SPOCK1: variants seen among roughly 807,000 people sequenced by gnomAD.
SPOCK1 encodes the protein SPARC (osteonectin), cwcv and kazal like domains proteoglycan 1.
A neutral mutation model predicts 55.3 loss-of-function variants in SPOCK1; 23 were observed. The observed-to-expected ratio is 0.42, with a 90% CI of 0.30 to 0.59. The LOEUF is 0.59. Among genes scored for constraint, SPOCK1 ranks in the 20% least tolerant of loss-of-function variants. The probability of loss-of-function intolerance (pLI) is 0.22; values close to 1 mark genes in which losing one functional copy is unlikely to be tolerated. For missense variants in SPOCK1, 499 were observed against 552.5 expected, an observed-to-expected ratio of 0.90 and a Z score of 0.97; for synonymous variants, 226 against 221.0, an observed-to-expected ratio of 1.02 and a Z score of -0.20.
At chr5:137,389,568 A>G (rs1376335659) in intron 2 of SPOCK1, among the ~76,000 whole-genome samples, 1 of 152,222 alleles carries the variant, frequency 6.6e-6, no homozygotes, top group Non-Finnish European at 1.5e-5. Flanking sequence ...CCTGACTACC[A>G]TCATGTGCTG....
chr5:137,354,879 G>T (rs1441842141), intron 2 of SPOCK1, among the ~76,000 whole-genome samples: 1 of 152,026 alleles, frequency 6.6e-6, no homozygotes, highest in Non-Finnish European at 1.5e-5. Flanking sequence ...ATCACCTTAG[G>T]TAAGTGACTC....
chr5:137,494,595 G>A (rs1038567450), intron 2 of SPOCK1, among the ~76,000 whole-genome samples: 1 of 152,190 alleles, frequency 6.6e-6, no homozygotes, highest in African/African-American at 2.4e-5. Context: ...TTTCTGCAAT[G>A]TTTTAATCTT....
At chr5:137,498,943 G>A (rs1754377912) in intron 1 of SPOCK1, among the ~76,000 whole-genome samples, 1 of 152,050 alleles carries the variant, frequency 6.6e-6, no homozygotes, top group South Asian at 2.1e-4. Flanking sequence ...GGGCAGGAGA[G>A]GGGAGAACAG....
chr5:137,344,550 C>A (rs1391493876), intron 2 of SPOCK1, among the ~76,000 whole-genome samples: 1 of 152,162 alleles, frequency 6.6e-6, no homozygotes, highest in Admixed American at 6.5e-5. Context: ...CTGATGTTCA[C>A]AAATGGGGAG....
At chr5:137,409,699 C>A (rs1752170444) in intron 2 of SPOCK1, among the ~76,000 whole-genome samples, 1 of 152,148 alleles carries the variant, frequency 6.6e-6, no homozygotes, top group Non-Finnish European at 1.5e-5. Context: ...AGCTATTGTG[C>A]CCACAATGAT....
chr5:137,010,820 A>G (rs1413562591), intron 6 of SPOCK1, among the ~76,000 whole-genome samples: 1 of 152,174 alleles, frequency 6.6e-6, no homozygotes, highest in African/African-American at 2.4e-5. Flanking sequence ...CTCTGGGTTT[A>G]TAGATTGTTG....
chr5:137,173,796 GAA>G (rs1277114288), intron 3 of SPOCK1, among the ~76,000 whole-genome samples: 1 of 152,150 alleles, frequency 6.6e-6, no homozygotes, highest in Non-Finnish European at 1.5e-5. Context: ...CTCCTTCAGG[GAA>G]AAGTCTGAGC....
intron 2 of SPOCK1, among the ~76,000 whole-genome samples, chr5:137,289,434 G>T (rs1757326576): frequency 1.3e-5 from 2 of 152,204 alleles, no homozygotes; most frequent in South Asian, 4.2e-4. Context: ...ATTTTACCCA[G>T]TGGAAATGAG....
chr5:137,363,071 G>A (rs998402278), intron 2 of SPOCK1, among the ~76,000 whole-genome samples: 2 of 152,174 alleles, frequency 1.3e-5, no homozygotes, highest in Non-Finnish European at 2.9e-5. Context: ...TTCACCACAT[G>A]AACACGTACG....
At chr5:137,028,592 T>G (rs1751719874) in intron 6 of SPOCK1, among the ~76,000 whole-genome samples, 1 of 152,084 alleles carries the variant, frequency 6.6e-6, no homozygotes, top group Non-Finnish European at 1.5e-5. Flanking sequence ...GTAGGAAGTT[T>G]ACAGATGGGT....
intron 3 of SPOCK1, among the ~76,000 whole-genome samples, chr5:137,208,307 A>T (rs1755552824): frequency 6.6e-6 from 1 of 152,160 alleles, no homozygotes; most frequent in Admixed American, 6.5e-5. Context: ...TATAATATGG[A>T]TGACTGTGTG....
chr5:137,297,609 C>A (rs895431742), intron 2 of SPOCK1, among the ~76,000 whole-genome samples: 7 of 151,982 alleles, frequency 4.6e-5, no homozygotes, highest in Non-Finnish European at 1.0e-4. Flanking sequence ...CCCTTCTGGC[C>A]TAGTAGAGGG....
At chr5:137,020,179 A>G (rs17170859) in intron 6 of SPOCK1, among the ~76,000 whole-genome samples, 2,559 of 151,946 alleles carry the variant, frequency 0.017, 67 homozygotes, top group African/African-American at 0.056. Context: ...TATGTAGGTT[A>G]AATTATAACA....
chr5:137,459,637 G>C (rs1753439586), intron 2 of SPOCK1, among the ~76,000 whole-genome samples: 1 of 151,990 alleles, frequency 6.6e-6, no homozygotes, highest in Non-Finnish European at 1.5e-5. Context: ...AGGTGCATGT[G>C]GTTTCCAGCT....
chr5:137,404,310 G>A (rs1752047305), intron 2 of SPOCK1, among the ~76,000 whole-genome samples: 1 of 152,154 alleles, frequency 6.6e-6, no homozygotes, highest in Admixed American at 6.5e-5. Flanking sequence ...TCAAGTCTGA[G>A]GATTTTCCCA....
At chr5:137,170,830 T>C (rs1296246759) in intron 3 of SPOCK1, among the ~76,000 whole-genome samples, 1 of 152,160 alleles carries the variant, frequency 6.6e-6, no homozygotes, top group East Asian at 1.9e-4. Flanking sequence ...CTAATGCAGG[T>C]GCTACCACTG....
In SPOCK1 at chr5:137,347,805, G is replaced by A. The variant is rs184038475; in HGVS notation, c.187-80750C>T. The stretch of plus-strand genomic sequence containing the variant: ...GCCTCCCCAGAGCACCCAGAGCCAC[G>A]CCTCCTCTGGCACAGGCGTAACGTG... On this transcript the variant is annotated intron_variant, in intron 2 of 10. Coordinates refer to ENST00000394945, the MANE Select transcript of SPOCK1 (RefSeq NM_004598.4). 3.0e-4 allele frequency among the ~76,000 whole-genome samples: 45 copies of A among 152,060 alleles called. 1 individual carries two copies. Among genetic ancestry groups the A allele is most frequent in the Admixed American group, 2.7e-3 (41 of 15,292 alleles).
At chr5:136,980,792 C>T (rs1750713508) in intron 9 of SPOCK1, among the ~76,000 whole-genome samples, 1 of 152,066 alleles carries the variant, frequency 6.6e-6, no homozygotes, top group Non-Finnish European at 1.5e-5. Flanking sequence ...TTTGAAGTTC[C>T]TAATTCATAA....
intron 2 of SPOCK1, among the ~76,000 whole-genome samples, chr5:137,446,916 G>A (rs776816173): frequency 2.6e-5 from 4 of 152,124 alleles, no homozygotes; most frequent in Non-Finnish European, 5.9e-5. Context: ...TTGTCTTTTT[G>A]TGACTGGATT....
Sources: gnomAD v4.1 joint callset for allele counts (sites outside exome capture counted in the v4.1 genomes callset) on GRCh38, gnomAD v4.1.1 for gene constraint, MANE v1.5 for transcripts, NCBI Gene and HGNC (gene_info 2026-07-23, HGNC 2026-07-21) for gene names.